GNAO1: variants seen among roughly 807,000 people sequenced by gnomAD.
The protein encoded by GNAO1 is G protein subunit alpha o1.
For missense variants in GNAO1, 166 were observed against 478.7 expected, an observed-to-expected ratio of 0.35 and a Z score of 6.10; for synonymous variants, 164 against 180.7, an observed-to-expected ratio of 0.91 and a Z score of 0.74.
At chr16:56,353,338 G>C (rs1229511144) in intron 7 of GNAO1, 1 of 152,262 alleles carries the variant, frequency 6.6e-6, no homozygotes, top group Non-Finnish European at 1.5e-5. Flanking sequence ...TCTCACTGCT[G>C]TGGAGTGCAA....
intron 2 of GNAO1, among the ~76,000 whole-genome samples, chr16:56,248,475 G>A (rs932070768): frequency 6.6e-6 from 1 of 152,220 alleles, no homozygotes; most frequent in Non-Finnish European, 1.5e-5. Context: ...GCCTAGAGCT[G>A]TTCTGGTCCA....
chr16:56,300,043 G>GCGCGCACGCGCGCGCA (rs1555505527), intron 3 of GNAO1, among the ~76,000 whole-genome samples: 2 of 92,138 alleles, frequency 2.2e-5, no homozygotes, highest in African/African-American at 9.3e-5. Flanking sequence ...GTGTGCGCGC[G>GCGCGCACGCGCGCGCA]CGCGCGCGCA....
intron 6 of GNAO1, chr16:56,344,500 T>TCCCTC (rs1163096798): frequency 1.0e-6 from 1 of 988,596 alleles, no homozygotes. Flanking sequence ...GTCTCCCTGC[T>TCCCTC]CCCTCCCCTG....
At chr16:56,349,140 C>G (rs2143696065) in intron 6 of GNAO1, among the ~76,000 whole-genome samples, 1 of 152,264 alleles carries the variant, frequency 6.6e-6, no homozygotes, top group Middle Eastern at 3.4e-3. Context: ...ACCAGTGGAA[C>G]TGTGGAGCCT....
At chr16:56,226,117 G>A (rs1384004480) in intron 2 of GNAO1, among the ~76,000 whole-genome samples, 1 of 152,158 alleles carries the variant, frequency 6.6e-6, no homozygotes, top group East Asian at 1.9e-4. Context: ...TGGCTGCTGT[G>A]TGGAGGACGG....
chr16:56,287,016 G>A (rs2037178453), intron 3 of GNAO1, among the ~76,000 whole-genome samples: 1 of 152,228 alleles, frequency 6.6e-6, no homozygotes, highest in Admixed American at 6.5e-5. Flanking sequence ...GTCCACTGCA[G>A]CAGGACCATG....
chr16:56,320,418 T>TTTTTTTTGCAGGTGAGAA (rs1333425264), intron 3 of GNAO1, among the ~76,000 whole-genome samples: 1 of 152,226 alleles, frequency 6.6e-6, no homozygotes, highest in East Asian at 1.9e-4. Context: ...GATGGTGCTG[T>TTTTTTTTGCAGGTGAGAA]CATCCCCATT....
At chr16:56,246,970 A>G (rs772051674) in intron 2 of GNAO1, among the ~76,000 whole-genome samples, 20 of 152,272 alleles carry the variant, frequency 1.3e-4, no homozygotes, top group Non-Finnish European at 2.4e-4. Flanking sequence ...TTAAGAATAA[A>G]TAAAATGCCC....
chr16:56,346,572 G>A, intron 6 of GNAO1: 1 of 985,394 alleles, frequency 1.0e-6, no homozygotes. Flanking sequence ...AGGCTCTCTG[G>A]CCTGAGGAGG....
chr16:56,226,666 A>G lies in GNAO1; in HGVS notation c.161+34050A>G, dbSNP rs574464397. ...ATGTTAATTTTTAAATGCACATTAG[A>G]TATCTATTTTATAAGTTTTGGGCAC... On this transcript the variant is annotated intron_variant, in intron 2 of 8. Transcript: ENST00000262493. The G allele has an allele frequency of 2.6e-5, 4 of 152,330 alleles. No individual in the cohort carries two copies. The East Asian group carries it at 5.8e-4, about 22-fold the overall frequency. The allele number at this position is 152,330 out of a possible 1,614,324, so 9.4% of individuals were successfully genotyped here.
chr16:56,207,014 A>G (rs2036336726), intron 2 of GNAO1, among the ~76,000 whole-genome samples: 1 of 152,260 alleles, frequency 6.6e-6, no homozygotes, highest in East Asian at 1.9e-4. Flanking sequence ...GTATGTGCCC[A>G]TGGGAGATGG....
chr16:56,239,653 ATTTAATG>A (rs1331893511), intron 2 of GNAO1, among the ~76,000 whole-genome samples: 3 of 152,242 alleles, frequency 2.0e-5, no homozygotes, highest in African/African-American at 7.2e-5. Context: ...AGAAATAATC[ATTTAATG>A]TTTATTATTC....
intron 2 of GNAO1, among the ~76,000 whole-genome samples, chr16:56,242,016 C>T (rs1340239885): frequency 6.6e-6 from 1 of 152,220 alleles, no homozygotes; most frequent in Admixed American, 6.5e-5. Context: ...TTAGGGGGTG[C>T]TGTGTCATTC....
At chr16:56,225,225 C>A (rs564937763) in intron 2 of GNAO1, among the ~76,000 whole-genome samples, 1 of 152,174 alleles carries the variant, frequency 6.6e-6, no homozygotes, top group African/African-American at 2.4e-5. Context: ...GAGGATTGAG[C>A]AAAATCTGGA....
chr16:56,218,855 G>T (rs901618281), intron 2 of GNAO1, among the ~76,000 whole-genome samples: 1 of 152,300 alleles, frequency 6.6e-6, no homozygotes. Context: ...CCTCACGGAA[G>T]CCTTCTTTGA....
intron 2 of GNAO1, among the ~76,000 whole-genome samples, chr16:56,202,395 G>A (rs545963188): frequency 6.6e-6 from 1 of 152,252 alleles, no homozygotes; most frequent in African/African-American, 2.4e-5. Context: ...AAGAAATGTG[G>A]GCTACAGAAA....
intron 5 of GNAO1, chr16:56,336,287 GC>G (rs1283160607): frequency 2.9e-5 from 5 of 170,682 alleles, no homozygotes; most frequent in Non-Finnish European, 6.3e-5. Context: ...CCCATGGGTG[GC>G]TCACTTCTGC....
chr16:56,300,065 T>G (rs77407064), intron 3 of GNAO1, among the ~76,000 whole-genome samples: 115 of 78,812 alleles, frequency 1.5e-3, no homozygotes, highest in Non-Finnish European at 2.3e-3. Flanking sequence ...GCACATGTGC[T>G]TGTGAGTGTG....
intron 6 of GNAO1, among the ~76,000 whole-genome samples, chr16:56,343,123 A>G (rs2037821915): frequency 6.6e-6 from 1 of 151,972 alleles, no homozygotes; most frequent in Non-Finnish European, 1.5e-5. Context: ...ACAAAAAAGA[A>G]AAACAAAAAG....
Sources: allele counts gnomAD v4.1 joint callset (sites outside exome capture counted in the v4.1 genomes callset), GRCh38; gene constraint gnomAD v4.1.1; transcripts MANE v1.5; gene names NCBI Gene and HGNC (gene_info 2026-07-23, HGNC 2026-07-21).